The following GABRB1 variants were observed in gnomAD, a reference collection of about 807,000 sequenced individuals.
The protein encoded by GABRB1 is gamma-aminobutyric acid receptor subunit beta-1.
A neutral mutation model predicts 51.6 loss-of-function variants in GABRB1; 17 were observed. The observed-to-expected ratio is 0.33, with a 90% CI of 0.23 to 0.49. The LOEUF (loss-of-function observed/expected upper bound fraction) is 0.49. GABRB1 is among the 20% of genes least tolerant of loss of function. The pLI, the probability that GABRB1 is intolerant of heterozygous loss-of-function variation, is 0.99. For missense variants in GABRB1, 410 were observed against 600.6 expected, an observed-to-expected ratio of 0.68 and a Z score of 3.32; for synonymous variants, 247 against 218.9, an observed-to-expected ratio of 1.13 and a Z score of -1.14.
intron 1 of GABRB1, among the ~76,000 whole-genome samples, chr4:47,024,664 C>T (rs773388469): frequency 2.2e-4 from 33 of 151,362 alleles, no homozygotes; most frequent in Non-Finnish European, 4.3e-4. Context: ...TTTTGGTGCA[C>T]CCATCACCCG....
chr4:47,397,850 G>A (rs1293980484), intron 5 of GABRB1, among the ~76,000 whole-genome samples: 1 of 152,080 alleles, frequency 6.6e-6, no homozygotes, highest in Admixed American at 6.5e-5. Flanking sequence ...TAGGATTACA[G>A]GTGTGAGCCA....
At chr4:47,297,677 G>T (rs879325058) in intron 4 of GABRB1, among the ~76,000 whole-genome samples, 20 of 152,138 alleles carry the variant, frequency 1.3e-4, no homozygotes, top group Non-Finnish European at 2.1e-4. Context: ...TCTGCCAAAG[G>T]TACAAGGAGG....
At chr4:47,123,788 T>C (rs1224267294) in intron 3 of GABRB1, among the ~76,000 whole-genome samples, 1 of 90,296 alleles carries the variant, frequency 1.1e-5, no homozygotes, top group Non-Finnish European at 2.0e-5. Flanking sequence ...TATTATTATA[T>C]ATAATATATT....
At chr4:47,187,529 G>A (rs1719231600) in intron 4 of GABRB1, among the ~76,000 whole-genome samples, 1 of 151,794 alleles carries the variant, frequency 6.6e-6, no homozygotes, top group Admixed American at 6.6e-5. Flanking sequence ...GAAAACAAAT[G>A]TGCACCTTCA....
intron 1 of GABRB1, among the ~76,000 whole-genome samples, chr4:47,020,168 G>A (rs1214444604): frequency 1.3e-5 from 2 of 151,914 alleles, no homozygotes; most frequent in Admixed American, 6.6e-5. Context: ...TTTCCACTGT[G>A]CATGAGCATG....
intron 5 of GABRB1, among the ~76,000 whole-genome samples, chr4:47,396,432 T>G (rs1470612474): frequency 6.6e-6 from 1 of 152,200 alleles, no homozygotes; most frequent in Non-Finnish European, 1.5e-5. Context: ...TCAGGGGACA[T>G]TTATTTGTTT....
intron 4 of GABRB1, among the ~76,000 whole-genome samples, chr4:47,174,055 T>G (rs879199298): frequency 6.6e-6 from 1 of 152,292 alleles, no homozygotes; most frequent in South Asian, 2.1e-4. Context: ...TTGTTTTTTT[T>G]GTTCCCTTTT....
At chr4:47,246,880 T>C (rs528455632) in intron 4 of GABRB1, among the ~76,000 whole-genome samples, 9 of 152,106 alleles carry the variant, frequency 5.9e-5, no homozygotes, top group Non-Finnish European at 1.2e-4. Context: ...GGATTTTTTT[T>C]TCTTGCTGAT....
intron 3 of GABRB1, among the ~76,000 whole-genome samples, chr4:47,063,920 G>A (rs1256524864): frequency 2.6e-5 from 4 of 152,132 alleles, no homozygotes; most frequent in African/African-American, 4.8e-5. Context: ...TTAGAGAAAA[G>A]AGCTAATGCA....
chr4:47,330,871 T>C (rs1247797800), intron 5 of GABRB1, among the ~76,000 whole-genome samples: 1 of 152,066 alleles, frequency 6.6e-6, no homozygotes, highest in African/African-American at 2.4e-5. Context: ...ACATGAAATA[T>C]AGGACAATTA....
intron 3 of GABRB1, among the ~76,000 whole-genome samples, chr4:47,071,555 G>T (rs1333604010): frequency 6.6e-6 from 1 of 151,694 alleles, no homozygotes; most frequent in East Asian, 1.9e-4. Context: ...CAAGCCAGCA[G>T]TTCCTATCTT....
chr4:47,335,123 C>T (rs1725647232), intron 5 of GABRB1, among the ~76,000 whole-genome samples: 1 of 152,078 alleles, frequency 6.6e-6, no homozygotes, highest in Admixed American at 6.6e-5. Flanking sequence ...AATCAGTAAT[C>T]GTTTTAGCAT....
At chr4:47,088,468 G>A (rs984370022) in intron 3 of GABRB1, among the ~76,000 whole-genome samples, 2 of 152,192 alleles carry the variant, frequency 1.3e-5, no homozygotes, top group African/African-American at 4.8e-5. Context: ...GCTGGGGGAA[G>A]AGCCAATGCA....
intron 3 of GABRB1, among the ~76,000 whole-genome samples, chr4:47,096,507 G>C (rs1234241792): frequency 1.3e-5 from 2 of 152,188 alleles, no homozygotes; most frequent in Non-Finnish European, 2.9e-5. Flanking sequence ...ATCCTGCAGA[G>C]ATGTTCATGC....
At chr4:47,324,090 T>C (rs1725171981) in intron 5 of GABRB1, among the ~76,000 whole-genome samples, 1 of 152,092 alleles carries the variant, frequency 6.6e-6, no homozygotes, top group Non-Finnish European at 1.5e-5. Context: ...CTTAATCTCA[T>C]CCACTCATTT....
chr4:47,407,188 A>C (rs1329196915), intron 8 of GABRB1, among the ~76,000 whole-genome samples: 1 of 152,208 alleles, frequency 6.6e-6, no homozygotes, highest in African/African-American at 2.4e-5. Flanking sequence ...TATGTAAAGT[A>C]ATAATGCTAG....
chr4:47,031,283 T>C, upstream of GABRB1: 2 of 266,190 alleles, frequency 7.5e-6, no homozygotes, highest in Non-Finnish European at 1.5e-5. Flanking sequence ...CAGGCAGCCT[T>C]AGCCAGATCA....
chr4:47,253,865 C>G (rs561186371), intron 4 of GABRB1, among the ~76,000 whole-genome samples: 1 of 152,082 alleles, frequency 6.6e-6, no homozygotes, highest in African/African-American at 2.4e-5. Flanking sequence ...AATGAAATTG[C>G]TTTAGTAAAA....
intron 3 of GABRB1, among the ~76,000 whole-genome samples, chr4:47,035,091 C>T (rs1268962165): frequency 6.6e-6 from 1 of 151,808 alleles, no homozygotes; most frequent in Non-Finnish European, 1.5e-5. Context: ...TATTTATTAC[C>T]ATTATTACCC....
Sources: allele counts gnomAD v4.1 joint callset (sites outside exome capture counted in the v4.1 genomes callset), GRCh38; gene constraint gnomAD v4.1.1; transcripts MANE v1.5; gene names NCBI Gene and HGNC (gene_info 2026-07-23, HGNC 2026-07-21).